ZFPM2: variants seen among roughly 807,000 people sequenced by gnomAD.
ZFPM2 encodes the protein zinc finger protein, FOG family member 2, also known as zinc finger protein ZFPM2.
ZFPM2 carries 20 observed loss-of-function variants against 98.6 expected under a neutral mutation model. The ratio of observed to expected loss-of-function variants is 0.20; its 90% CI spans 0.14 to 0.29. ZFPM2 has a LOEUF of 0.29. Ranked by LOEUF, ZFPM2 falls within the 10% of genes least tolerant of loss-of-function variation. The probability of loss-of-function intolerance (pLI) is 1.00; values close to 1 mark genes in which losing one functional copy is unlikely to be tolerated. For synonymous variants in ZFPM2, 518 were observed against 502.7 expected (o/e 1.03, Z -0.41); for missense variants, 1,310 against 1,388.6 (o/e 0.94, Z 0.90).
At chr8:105,406,907 T>A (rs915905564) in intron 1 of ZFPM2, among the ~76,000 whole-genome samples, 1 of 151,974 alleles carries the variant, frequency 6.6e-6, no homozygotes, top group African/African-American at 2.4e-5. Context: ...TGACTACATT[T>A]TCATAAAACT....
chr8:105,378,361 C>T (rs1002944706), intron 1 of ZFPM2, among the ~76,000 whole-genome samples: 15 of 152,090 alleles, frequency 9.9e-5, no homozygotes, highest in Admixed American at 2.6e-4. Context: ...TGAAAACTTA[C>T]GATATTTCCA....
intron 5 of ZFPM2, among the ~76,000 whole-genome samples, chr8:105,786,408 G>C (rs182382052): frequency 6.6e-6 from 1 of 152,120 alleles, no homozygotes; most frequent in Non-Finnish European, 1.5e-5. Context: ...AAGCCATAGC[G>C]CCCAGCCTAG....
chr8:105,666,833 CT>C (rs1230221156), intron 5 of ZFPM2, among the ~76,000 whole-genome samples: 1 of 152,106 alleles, frequency 6.6e-6, no homozygotes, highest in Non-Finnish European at 1.5e-5. Flanking sequence ...CACAGTGTTA[CT>C]TAAGAATGTT....
chr8:105,604,502 C>T (rs572974924), intron 4 of ZFPM2, among the ~76,000 whole-genome samples: 4 of 152,132 alleles, frequency 2.6e-5, no homozygotes, highest in South Asian at 2.1e-4. Context: ...GAGTAAAATC[C>T]GAAACCTTTT....
At chr8:105,627,018 T>C (rs1009939781) in intron 4 of ZFPM2, among the ~76,000 whole-genome samples, 1 of 152,218 alleles carries the variant, frequency 6.6e-6, no homozygotes, top group Admixed American at 6.5e-5. Context: ...ACCCTCCTTT[T>C]GGAAATCCTC....
intron 5 of ZFPM2, among the ~76,000 whole-genome samples, chr8:105,650,982 A>G (rs796955448): frequency 2.0e-5 from 3 of 152,114 alleles, no homozygotes; most frequent in East Asian, 1.9e-4. Context: ...CTTCAATTCT[A>G]GCGTCTTCTT....
At chr8:105,636,959 G>T (rs1816858208) in intron 5 of ZFPM2, among the ~76,000 whole-genome samples, 1 of 152,096 alleles carries the variant, frequency 6.6e-6, no homozygotes, top group Non-Finnish European at 1.5e-5. Context: ...GTAGATAAAA[G>T]ACTTAAGTAG....
At chr8:105,432,535 G>A (rs527873457) in intron 2 of ZFPM2, among the ~76,000 whole-genome samples, 5 of 152,176 alleles carry the variant, frequency 3.3e-5, no homozygotes, top group African/African-American at 7.2e-5. Flanking sequence ...AAATAAACAC[G>A]GAGGCCGACA....
intron 3 of ZFPM2, among the ~76,000 whole-genome samples, chr8:105,511,923 A>T (rs1015884545): frequency 4.6e-5 from 7 of 152,158 alleles, no homozygotes; most frequent in Admixed American, 3.9e-4. Flanking sequence ...AGGCAGGCGG[A>T]TCACCTGAGG....
chr8:105,441,104 G>A (rs1812227621), intron 2 of ZFPM2, among the ~76,000 whole-genome samples: 2 of 151,974 alleles, frequency 1.3e-5, no homozygotes. Context: ...GCAGTGAGCC[G>A]AGATCGCACC....
intron 5 of ZFPM2, among the ~76,000 whole-genome samples, chr8:105,637,768 C>T (rs939220348): frequency 1.2e-4 from 18 of 152,054 alleles, no homozygotes; most frequent in African/African-American, 4.3e-4. Flanking sequence ...TCGTCTGTCT[C>T]CACAATCTGT....
chr8:105,448,272 T>C (rs1812415454), intron 3 of ZFPM2, among the ~76,000 whole-genome samples: 1 of 152,062 alleles, frequency 6.6e-6, no homozygotes, highest in South Asian at 2.1e-4. Context: ...CTCTTCACTA[T>C]TCTGGTTTTT....
At chr8:105,395,134 A>G (rs1367938195) in intron 1 of ZFPM2, among the ~76,000 whole-genome samples, 1 of 152,150 alleles carries the variant, frequency 6.6e-6, no homozygotes, top group East Asian at 1.9e-4. Context: ...TTCTGCAAAG[A>G]ATGTCCCCAG....
intron 3 of ZFPM2, among the ~76,000 whole-genome samples, chr8:105,503,459 G>A (rs1813636286): frequency 6.6e-6 from 1 of 152,090 alleles, no homozygotes; most frequent in Non-Finnish European, 1.5e-5. Flanking sequence ...AAACAATTTT[G>A]ACATTTTGGG....
chr8:105,346,240 C>T (rs767419951), intron 1 of ZFPM2, among the ~76,000 whole-genome samples: 12 of 151,740 alleles, frequency 7.9e-5, no homozygotes, highest in Non-Finnish European at 1.0e-4. Flanking sequence ...CAAAATTAGC[C>T]GGGCGTGGTG....
intron 5 of ZFPM2, among the ~76,000 whole-genome samples, chr8:105,786,455 A>T (rs1440844741): frequency 6.6e-6 from 1 of 152,218 alleles, no homozygotes; most frequent in African/African-American, 2.4e-5. Flanking sequence ...CCAATTAACG[A>T]ATGATTTGAA....
intron 3 of ZFPM2, among the ~76,000 whole-genome samples, chr8:105,514,732 C>T (rs1813885900): frequency 1.3e-5 from 2 of 152,178 alleles, no homozygotes; most frequent in Non-Finnish European, 2.9e-5. Context: ...TTTCATCCTA[C>T]CTATGCTCTT....
At chr8:105,351,865 A>G (rs1330194271) in intron 1 of ZFPM2, among the ~76,000 whole-genome samples, 1 of 152,070 alleles carries the variant, frequency 6.6e-6, no homozygotes, top group East Asian at 1.9e-4. Flanking sequence ...AAAACTTTCG[A>G]TATTTAATCA....
At chr8:105,468,031 T>C (rs138481512) in intron 3 of ZFPM2, among the ~76,000 whole-genome samples, 183 of 152,160 alleles carry the variant, frequency 1.2e-3, no homozygotes, top group African/African-American at 3.9e-3. Flanking sequence ...CTATCACTCA[T>C]GTCCCCTATC....
Sources: allele counts gnomAD v4.1 joint callset (sites outside exome capture counted in the v4.1 genomes callset), GRCh38; gene constraint gnomAD v4.1.1; transcripts MANE v1.5; gene names NCBI Gene and HGNC (gene_info 2026-07-23, HGNC 2026-07-21).